PCDHGC3: variants seen among roughly 807,000 people sequenced by gnomAD.
The protein encoded by PCDHGC3 is protocadherin gamma-C3.
Under a neutral mutation model 59.2 loss-of-function variants are expected in PCDHGC3, and 26 were observed. That is an observed-to-expected ratio of 0.44 (90% CI 0.32 to 0.61). The LOEUF (loss-of-function observed/expected upper bound fraction) is 0.61, where lower values mean the gene tolerates loss of function less well. PCDHGC3 is among the 20% of genes least tolerant of loss of function. PCDHGC3 has a pLI of 0.05. For synonymous variants in PCDHGC3, 487 were observed against 519.7 expected, an observed-to-expected ratio of 0.94 and a Z score of 0.86; for missense variants, 1,080 against 1,221.8, an observed-to-expected ratio of 0.88 and a Z score of 1.73.
chr5:141,501,182 C>A (rs531641143), intron 2 of PCDHGC3, among the ~76,000 whole-genome samples: 1 of 152,126 alleles, frequency 6.6e-6, no homozygotes, highest in Non-Finnish European at 1.5e-5. Context: ...TACATTTTAA[C>A]ACAATTAAAT....
At position 141,487,780 on chromosome 5, in the gene PCDHGC3, C is replaced by T. The variant is rs1423149; in HGVS notation, c.2431-7027C>T. On this transcript the variant is annotated intron_variant, in intron 1 of 3. Transcript: ENST00000308177. The surrounding 1 kb of genome is among the most constrained non-coding windows in gnomAD (Gnocchi z 5.0). ...TAGACGCTGTGCTTTGTAACTGTTT[C>T]GTGAATTAACCAGAGTTGTCACAGT... 0.06 allele frequency: 91,434 copies of T among 1,526,176 alleles called. 5,728 individuals carry two copies. Among genetic ancestry groups the T allele is most frequent in the African/African-American group, 0.33 (23,789 of 72,466 alleles). The allele number at this position is 1,526,176 out of a possible 1,614,324, so 94.5% of individuals were successfully genotyped here. A position where few individuals can be genotyped will look rare whatever the true frequency, so the allele number is the denominator to read the frequency against.
In PCDHGC3 at chr5:141,477,815, G is replaced by C; in HGVS notation, c.1699G>C (p.Val567Leu). The change falls in exon 1 of 4, where the codon GTC becomes CTC. Residue 567 changes from valine (V) to leucine (L), a missense_variant. Physicochemically the swap from Val to Leu is conservative, Grantham distance 32. Coordinates refer to ENST00000308177, the MANE Select transcript of PCDHGC3 (RefSeq NM_002588.4). The surrounding 1 kb of genome is among the most constrained non-coding windows in gnomAD (Gnocchi z 4.9). ...TGATCGCAATGACAATGCCCCCCAG[G>C]TCCTATATCCTCGGCCAGGTGGGAG... Reference protein sequence around the residue: ...VTDRNDNAPQVLYPRPGGSSV... With the variant: ...VTDRNDNAPQLLYPRPGGSSV... 1 of 1,614,106 alleles carries C rather than the reference G, an allele frequency of 6.2e-7. No homozygotes were observed. Among genetic ancestry groups the C allele is most frequent in the Non-Finnish European group, 8.5e-7 (1 of 1,180,034 alleles).
intron 3 of PCDHGC3, among the ~76,000 whole-genome samples, chr5:141,510,660 G>A (rs2099882170): frequency 1.3e-5 from 2 of 152,174 alleles, no homozygotes; most frequent in East Asian, 1.9e-4. Context: ...TTTTGCAGAT[G>A]AGAAAACTGA....
rs768648952 is a variant in PCDHGC3 at position 141,477,230 on chromosome 5, G to C, written c.1114G>C (p.Ala372Pro). 6.2e-7 allele frequency: 1 copy of C among 1,614,046 alleles called. No homozygotes were observed. Among genetic ancestry groups the C allele is most frequent in the East Asian group, 2.2e-5 (1 of 44,890 alleles). ...PEDAPLGTVIALLSVTDLDAG... is the reference protein window; with the variant it reads ...PEDAPLGTVIPLLSVTDLDAG... ...GGATGCCCCTCTGGGGACTGTCATC[G>C]CTTTGCTCAGTGTGACTGACCTGGA... Residue 372 changes from alanine to proline, a missense_variant, in exon 1 of 4, where the codon GCT (alanine) becomes CCT (proline). Transcript: ENST00000308177. The surrounding 1 kb of genome is among the most constrained non-coding windows in gnomAD (Gnocchi z 4.9).
chr5:141,510,978 G>A lies in PCDHGC3; in HGVS notation c.2610G>A (p.Gly870=), dbSNP rs2099883535. 1.2e-6 allele frequency: 2 copies of A among 1,614,160 alleles called. No homozygotes were observed. The change falls in exon 4 of 4, where the codon GGG becomes GGA. Residue 870 remains glycine, a synonymous_variant. Transcript: ENST00000308177. The part of the protein sequence containing the change: ...EAADGSSTLG[G]GAGTMGLSAR... Reference sequence around the variant, plus strand: ...CTGATGGGAGCTCCACCCTGGGAGGGGGTGCCGGCACCATGGGATTGAGCG... The same window carrying A: ...CTGATGGGAGCTCCACCCTGGGAGGAGGTGCCGGCACCATGGGATTGAGCG...
rs547284271 is a variant in PCDHGC3 at position 141,489,064 on chromosome 5, C to G, written c.2431-5743C>G. On this transcript the variant is annotated intron_variant, in intron 1 of 3. Coordinates refer to ENST00000308177, the MANE Select transcript of PCDHGC3 (RefSeq NM_002588.4). This position sits in a 1 kb window ranked among gnomAD's most constrained non-coding sequence, Gnocchi z 4.5. ...TCCACTCAAATTCAGCTCCCCTCCC[C>G]CCTGCCCACCCCCGCCACTCGGTGA... 1.9e-4 allele frequency: 74 copies of G among 387,742 alleles called. No homozygotes were observed. The highest frequency in any genetic ancestry group is 1.5e-3 in the African/African-American group (70 of 47,296). The allele number at this position is 387,742 out of a possible 1,614,324, so 24.0% of individuals were successfully genotyped here. A position where few individuals can be genotyped will look rare whatever the true frequency, so the allele number is the denominator to read the frequency against.
At position 141,505,417 on chromosome 5, in the gene PCDHGC3, C is replaced by T; in HGVS notation, c.2514C>T (p.Gly838=). The change falls in exon 3 of 4, where the codon GGC becomes GGT. Residue 838 remains glycine, a synonymous_variant. Coordinates refer to ENST00000308177, the MANE Select transcript of PCDHGC3 (RefSeq NM_002588.4). ...TSGSQNGDDT[G]TWPNNQFDTE... is the part of the protein sequence containing the mutation. ...GCTCCCAAAATGGCGATGACACCGG[C>T]ACCTGGCCCAACAACCAGTTTGACA... 1 of 1,614,212 alleles carries T rather than the reference C, an allele frequency of 6.2e-7. No individual in the cohort carries two copies. Among genetic ancestry groups the T allele is most frequent in the Non-Finnish European group, 8.5e-7 (1 of 1,180,024 alleles).
chr5:141,490,257 T>C lies in PCDHGC3; in HGVS notation c.2431-4550T>C, dbSNP rs2099697852. On this transcript the variant is annotated intron_variant, in intron 1 of 3. Coordinates refer to ENST00000308177, the MANE Select transcript of PCDHGC3 (RefSeq NM_002588.4). The surrounding 1 kb of genome is among the most constrained non-coding windows in gnomAD (Gnocchi z 5.4). ...AGGGCCACTGTGTGATTCAAGTGGATGTGGGGGATGTCAATGACAATGCCC... is the reference window on the plus strand; with the variant it reads ...AGGGCCACTGTGTGATTCAAGTGGACGTGGGGGATGTCAATGACAATGCCC... The C allele has an allele frequency of 6.2e-7, 1 of 1,614,208 alleles. No individual in the cohort carries two copies. Among genetic ancestry groups the C allele is most frequent in the South Asian group, 1.1e-5 (1 of 91,078 alleles).
intron 2 of PCDHGC3, among the ~76,000 whole-genome samples, chr5:141,496,557 C>T (rs190275684): frequency 2.0e-5 from 3 of 152,258 alleles, no homozygotes; most frequent in Admixed American, 1.3e-4. Flanking sequence ...TGGGCATGCA[C>T]AGTCCTGTCA....
intron 1 of PCDHGC3, among the ~76,000 whole-genome samples, chr5:141,488,087 G>A (rs1479773288): frequency 6.6e-6 from 1 of 152,198 alleles, no homozygotes; most frequent in East Asian, 1.9e-4. Flanking sequence ...CTAGTACACT[G>A]TGAAGGGACC....
intron 2 of PCDHGC3, among the ~76,000 whole-genome samples, chr5:141,503,994 A>C (rs1330628079): frequency 6.6e-6 from 1 of 152,158 alleles, no homozygotes; most frequent in Non-Finnish European, 1.5e-5. Context: ...CTTACCTTAC[A>C]GTCACTTAAC....
chr5:141,495,982 T>C (rs2099765062), intron 2 of PCDHGC3, among the ~76,000 whole-genome samples: 2 of 152,144 alleles, frequency 1.3e-5, no homozygotes. Context: ...TACTCTTTCT[T>C]TATCTCTCTT....
At chr5:141,495,804 T>G (rs894259635) in intron 2 of PCDHGC3, among the ~76,000 whole-genome samples, 1 of 152,168 alleles carries the variant, frequency 6.6e-6, no homozygotes, top group South Asian at 2.1e-4. Flanking sequence ...TTTCACCGTT[T>G]CCTAGCGCCT....
Position 141,485,183 on chromosome 5 carries a change from A to C in PCDHGC3, c.2430+6637A>C, listed in dbSNP as rs777796801. On this transcript the variant is annotated intron_variant, in intron 1 of 3. Transcript: ENST00000308177. This position sits in a 1 kb window ranked among gnomAD's most constrained non-coding sequence, Gnocchi z 5.7. ...TTAGCGGGCGGCAGCAATGCTCCGC[A>C]AGGTGAGAAGCTGGACAGAAATCTG... 1.9e-6 allele frequency: 3 copies of C among 1,613,248 alleles called. No individual in the cohort carries two copies. The highest frequency in any genetic ancestry group is 3.3e-5 in the Admixed American group (2 of 60,006).
chr5:141,482,205 C>A (rs1478729653), intron 1 of PCDHGC3, among the ~76,000 whole-genome samples: 1 of 151,896 alleles, frequency 6.6e-6, no homozygotes, highest in Non-Finnish European at 1.5e-5. Context: ...TAAAACAGAC[C>A]AGGTACTTGT....
Position 141,489,101 on chromosome 5 carries a change from T to C in PCDHGC3, c.2431-5706T>C. The C allele has an allele frequency of 2.5e-6, 1 of 398,412 alleles. No homozygotes were observed. The highest frequency in any genetic ancestry group is 4.3e-5 in the South Asian group (1 of 23,096). The allele number at this position is 398,412 out of a possible 1,614,324, so 24.7% of individuals were successfully genotyped here. A position where few individuals can be genotyped will look rare whatever the true frequency, so the allele number is the denominator to read the frequency against. ...CCGCCACTCGGTGACTAAGAACTGC[T>C]GCAAGCAGGCAAACCTCCGAGCAGT... On this transcript the variant is annotated intron_variant, in intron 1 of 3. Coordinates refer to ENST00000308177, the MANE Select transcript of PCDHGC3 (RefSeq NM_002588.4). The surrounding 1 kb of genome is among the most constrained non-coding windows in gnomAD (Gnocchi z 4.5).
At chr5:141,502,767 C>T (rs970206343) in intron 2 of PCDHGC3, among the ~76,000 whole-genome samples, 1 of 151,756 alleles carries the variant, frequency 6.6e-6, no homozygotes, top group East Asian at 1.9e-4. Flanking sequence ...TGCTGGTATT[C>T]TTCTGAAAAT....
chr5:141,489,692 G>C lies in PCDHGC3; in HGVS notation c.2431-5115G>C, dbSNP rs768806028. The stretch of plus-strand genomic sequence containing the variant: ...TCAGAATCAGCAGCATCTGGGGCAC[G>C]ATTCCCACTGGACAGTGCCCAGGAT... On this transcript the variant is annotated intron_variant, in intron 1 of 3. Transcript: ENST00000308177. This position sits in a 1 kb window ranked among gnomAD's most constrained non-coding sequence, Gnocchi z 4.5. 6.2e-7 allele frequency: 1 copy of C among 1,614,128 alleles called. No individual in the cohort carries two copies. Among genetic ancestry groups the C allele is most frequent in the South Asian group, 1.1e-5 (1 of 91,080 alleles).
At chr5:141,478,683 C>G (rs1355955377) in intron 1 of PCDHGC3, 137 bp downstream of exon 1, 14 of 1,551,164 alleles carry the variant, frequency 9.0e-6, no homozygotes, top group African/African-American at 1.4e-5. Flanking sequence ...CTGGCCCTTC[C>G]TAGATCAAAG....
Sources: allele counts gnomAD v4.1 joint callset (sites outside exome capture counted in the v4.1 genomes callset), GRCh38; gene constraint gnomAD v4.1.1; non-coding constraint Gnocchi (gnomAD v3.1); transcripts MANE v1.5; gene names NCBI Gene and HGNC (gene_info 2026-07-23, HGNC 2026-07-21).